The following ROBO2 variants were observed in gnomAD, a reference collection of about 807,000 sequenced individuals.
The protein encoded by ROBO2 is roundabout homolog 2.
ROBO2 carries 53 observed loss-of-function variants against 160.8 expected under a neutral mutation model. The ratio of observed to expected loss-of-function variants is 0.33; its 90% CI spans 0.26 to 0.41. The LOEUF is 0.41. ROBO2 is among the 10% of genes least tolerant of loss of function. ROBO2 has a pLI of 1.00. For missense variants in ROBO2, 1,577 were observed against 1,722.4 expected, an observed-to-expected ratio of 0.92 and a Z score of 1.49; for synonymous variants, 664 against 611.7, an observed-to-expected ratio of 1.09 and a Z score of -1.26.
chr3:76,716,229 G>A (rs2093376582), intron 2 of ROBO2, among the ~76,000 whole-genome samples: 1 of 152,058 alleles, frequency 6.6e-6, no homozygotes, highest in Non-Finnish European at 1.5e-5. Flanking sequence ...ATTCACTCAG[G>A]CAACTTTCCA....
At chr3:76,256,352 T>TCACACACA (rs1553689349) in intron 2 of ROBO2, among the ~76,000 whole-genome samples, 2 of 69,900 alleles carry the variant, frequency 2.9e-5, no homozygotes, top group South Asian at 6.7e-4. Context: ...TCTCTCTCTC[T>TCACACACA]CACATACACA....
chr3:76,599,399 T>C (rs1314734445), intron 2 of ROBO2, among the ~76,000 whole-genome samples: 1 of 152,214 alleles, frequency 6.6e-6, no homozygotes, highest in African/African-American at 2.4e-5. Flanking sequence ...GCAAAGGACA[T>C]AATCTTGTTC....
chr3:77,419,173 T>C (rs980717819), intron 2 of ROBO2, among the ~76,000 whole-genome samples: 2 of 152,120 alleles, frequency 1.3e-5, no homozygotes, highest in African/African-American at 4.8e-5. Flanking sequence ...TAAACTCCTA[T>C]GTCTGGTTTA....
At chr3:77,374,961 C>T (rs1266327211) in intron 2 of ROBO2, among the ~76,000 whole-genome samples, 4 of 152,160 alleles carry the variant, frequency 2.6e-5, no homozygotes, top group South Asian at 4.1e-4. Flanking sequence ...GTAATCCCGG[C>T]GCTTTGGAAG....
intron 1 of ROBO2, 94 bp from the exon 2 acceptor site, chr3:77,097,920 G>T: frequency 9.2e-7 from 1 of 1,082,260 alleles, no homozygotes; most frequent in Admixed American, 2.9e-5. Flanking sequence ...TTGGATAATC[G>T]AAGAGTTTAA....
At chr3:76,680,870 G>A (rs767340303) in intron 2 of ROBO2, among the ~76,000 whole-genome samples, 59 of 152,114 alleles carry the variant, frequency 3.9e-4, no homozygotes, top group South Asian at 1.0e-3. Context: ...CTGCTTCCCC[G>A]GGTTCAAGTG....
At chr3:77,586,115 G>A (rs961052573) in intron 16 of ROBO2, among the ~76,000 whole-genome samples, 15 of 152,012 alleles carry the variant, frequency 9.9e-5, no homozygotes, top group Admixed American at 2.0e-4. Context: ...GCGTAACATT[G>A]GTGTTGTTCT....
At chr3:76,255,902 A>C (rs952584087) in intron 2 of ROBO2, among the ~76,000 whole-genome samples, 7 of 152,080 alleles carry the variant, frequency 4.6e-5, no homozygotes, top group Non-Finnish European at 1.0e-4. Context: ...ATTAAAAAAA[A>C]ACCACACTAA....
intron 2 of ROBO2, among the ~76,000 whole-genome samples, chr3:76,602,660 T>C (rs1016125498): frequency 6.6e-6 from 1 of 152,198 alleles, no homozygotes; most frequent in Non-Finnish European, 1.5e-5. Context: ...CACCTCCCAC[T>C]GGGCTCCTCC....
At chr3:77,204,139 C>G (rs2151038750) in intron 2 of ROBO2, among the ~76,000 whole-genome samples, 1 of 152,200 alleles carries the variant, frequency 6.6e-6, no homozygotes, top group Non-Finnish European at 1.5e-5. Context: ...TGAGTTAGGG[C>G]TCCCAGCAAA....
chr3:76,267,378 T>G (rs1707163613), intron 2 of ROBO2, among the ~76,000 whole-genome samples: 1 of 152,198 alleles, frequency 6.6e-6, no homozygotes, highest in South Asian at 2.1e-4. Flanking sequence ...CTAACTCATT[T>G]GGGCCCTTAT....
At chr3:76,218,747 T>C (rs1703742123) in intron 2 of ROBO2, among the ~76,000 whole-genome samples, 1 of 152,062 alleles carries the variant, frequency 6.6e-6, no homozygotes, top group Non-Finnish European at 1.5e-5. Context: ...CCCAAGGTAA[T>C]TTATAGATTC....
chr3:76,314,323 C>T (rs887648698), intron 2 of ROBO2, among the ~76,000 whole-genome samples: 1 of 151,946 alleles, frequency 6.6e-6, no homozygotes, highest in Admixed American at 6.6e-5. Flanking sequence ...ATTACCTTCA[C>T]CATGAAAAAG....
intron 2 of ROBO2, among the ~76,000 whole-genome samples, chr3:77,104,229 C>A (rs2072469633): frequency 6.6e-6 from 1 of 152,160 alleles, no homozygotes; most frequent in East Asian, 1.9e-4. Flanking sequence ...TGCACCCTCT[C>A]ACCCCAGCCC....
intron 2 of ROBO2, among the ~76,000 whole-genome samples, chr3:76,046,515 G>A (rs1335068397): frequency 6.6e-6 from 1 of 151,082 alleles, no homozygotes; most frequent in Non-Finnish European, 1.5e-5. Flanking sequence ...CGGGCGTGGT[G>A]GCAGCGCCTG....
chr3:77,514,912 C>T (rs908549994), intron 5 of ROBO2, among the ~76,000 whole-genome samples: 14 of 151,488 alleles, frequency 9.2e-5, no homozygotes, highest in Non-Finnish European at 1.6e-4. Context: ...AAACCATGAC[C>T]CATGAGGGAA....
At chr3:77,509,775 C>T (rs535371162) in intron 5 of ROBO2, among the ~76,000 whole-genome samples, 49 of 152,168 alleles carry the variant, frequency 3.2e-4, no homozygotes, top group African/African-American at 1.2e-3. Flanking sequence ...TTTATTCCCT[C>T]ATCAACAAAT....
At chr3:77,621,473 T>C (rs1398986094) in intron 22 of ROBO2, among the ~76,000 whole-genome samples, 1 of 152,044 alleles carries the variant, frequency 6.6e-6, no homozygotes, top group East Asian at 1.9e-4. Context: ...GGGTTGATAA[T>C]GCATGATCTA....
chr3:77,502,704 C>T (rs1168960228), intron 5 of ROBO2, among the ~76,000 whole-genome samples: 1 of 151,998 alleles, frequency 6.6e-6, no homozygotes, highest in Non-Finnish European at 1.5e-5. Context: ...AATAAAAATA[C>T]AGTATTACAA....
Sources: allele counts gnomAD v4.1 joint callset (sites outside exome capture counted in the v4.1 genomes callset), GRCh38; gene constraint gnomAD v4.1.1; transcripts MANE v1.5; gene names NCBI Gene and HGNC (gene_info 2026-07-23, HGNC 2026-07-21).